The following PLCB4 variants were observed in gnomAD, a reference collection of about 807,000 sequenced individuals.
PLCB4 encodes the protein phospholipase C beta 4.
A neutral mutation model predicts 178.8 loss-of-function variants in PLCB4; 77 were observed. The ratio of observed to expected loss-of-function variants is 0.43; its 90% CI spans 0.36 to 0.52. The LOEUF is 0.52. Among genes scored for constraint, PLCB4 ranks in the 20% least tolerant of loss-of-function variants. The probability of loss-of-function intolerance (pLI) is 0.00; values close to 1 mark genes in which losing one functional copy is unlikely to be tolerated. For synonymous variants in PLCB4, 496 were observed against 490.8 expected, an observed-to-expected ratio of 1.01 and a Z score of -0.14; for missense variants, 1,024 against 1,453.4, an observed-to-expected ratio of 0.70 and a Z score of 4.80.
intron 19 of PLCB4, among the ~76,000 whole-genome samples, chr20:9,398,849 A>G (rs1329957593): frequency 6.6e-6 from 1 of 152,178 alleles, no homozygotes; most frequent in Admixed American, 6.5e-5. Flanking sequence ...TAGAGAGGTA[A>G]CATATTTTGC....
intron 2 of PLCB4, among the ~76,000 whole-genome samples, chr20:9,148,500 C>T (rs970842388): frequency 4.6e-5 from 7 of 152,132 alleles, no homozygotes; most frequent in East Asian, 3.9e-4. Flanking sequence ...AATAGAGTTT[C>T]GTTTTCAGAT....
intron 3 of PLCB4, among the ~76,000 whole-genome samples, chr20:9,231,642 G>A (rs945740975): frequency 1.3e-5 from 2 of 152,152 alleles, no homozygotes; most frequent in African/African-American, 4.8e-5. Context: ...GCAGAGAGAG[G>A]AAACTTGTGT....
intron 35 of PLCB4, among the ~76,000 whole-genome samples, 171 bp downstream of exon 35, chr20:9,459,981 T>G (rs1199210246): frequency 6.6e-6 from 1 of 152,114 alleles, no homozygotes; most frequent in Non-Finnish European, 1.5e-5. Context: ...CTATAAGAAA[T>G]GGCACCCAGG....
intron 2 of PLCB4, among the ~76,000 whole-genome samples, chr20:9,185,103 A>G (rs554768445): frequency 2.0e-5 from 3 of 152,134 alleles, no homozygotes; most frequent in East Asian, 3.9e-4. Flanking sequence ...GGGTCTCACT[A>G]TGTAGTGCAG....
intron 19 of PLCB4, among the ~76,000 whole-genome samples, chr20:9,400,270 A>G (rs1460054043): frequency 1.3e-5 from 2 of 152,188 alleles, no homozygotes; most frequent in African/African-American, 2.4e-5. Flanking sequence ...TTCTGAATCC[A>G]GATACTACCA....
Position 9,212,864 on chromosome 20 carries a change from A to C in PLCB4, c.-78-4526A>C, listed in dbSNP as rs1601189441. 5.3e-5 allele frequency among the ~76,000 whole-genome samples: 8 copies of C among 152,274 alleles called. No homozygotes were observed. The South Asian group carries it at 1.7e-3, about 32-fold the overall frequency. On this transcript the variant is annotated intron_variant, in intron 2 of 39. Transcript: ENST00000378473. ...TAAAAGACTGCTTTCATGAAGTATA[A>C]TTTACATATCATAAAATGCACTCAC...
chr20:9,198,724 T>C lies in PLCB4; in HGVS notation c.-78-18666T>C, dbSNP rs111514579. 1.1e-3 allele frequency among the ~76,000 whole-genome samples: 161 copies of C among 152,318 alleles called. 1 individual carries two copies. Among genetic ancestry groups the C allele is most frequent in the Non-Finnish European group, 1.6e-3 (109 of 68,028 alleles). ...ATATTAATAGGATATTTTTGGTCAC[T>C]CACTTGTCCTTAGATTATCTCAGTT... On this transcript the variant is annotated intron_variant, in intron 2 of 39. Coordinates refer to ENST00000378473, the MANE Select transcript of PLCB4 (RefSeq NM_001377142.1).
rs1235807036 is a variant in PLCB4, at chr20:9,362,904, A to T, written c.378A>T (p.Val126=). 2.5e-6 allele frequency: 4 copies of T among 1,610,690 alleles called. No individual in the cohort carries two copies. Among genetic ancestry groups the T allele is most frequent in the Non-Finnish European group, 3.4e-6 (4 of 1,176,990 alleles). The change falls in exon 8 of 40, where the codon GTA becomes GTT. Residue 126 remains valine, a synonymous_variant. Transcript: ENST00000378473. ...TTTTCTTTCTCTTTCAGCAATGGGT[A>T]GAAGGCCTGAGATCAATCATACACA... ...AENPEVTKQW[V]EGLRSIIHNF... is the part of the protein sequence containing the mutation.
At chr20:9,139,598 C>T (rs539890019) in intron 2 of PLCB4, among the ~76,000 whole-genome samples, 379 of 152,158 alleles carry the variant, frequency 2.5e-3, no homozygotes, top group Non-Finnish European at 3.5e-3. Flanking sequence ...GCTCAGAAGT[C>T]CTGGGTGACC....
intron 18 of PLCB4, among the ~76,000 whole-genome samples, chr20:9,394,023 CT>C (rs2038370146): frequency 6.6e-6 from 1 of 152,096 alleles, no homozygotes. Context: ...ATAAGTTTCC[CT>C]TTTCAGTTTG....
At chr20:9,202,107 T>A (rs1051033246) in intron 2 of PLCB4, among the ~76,000 whole-genome samples, 6 of 152,208 alleles carry the variant, frequency 3.9e-5, no homozygotes, top group African/African-American at 1.4e-4. Flanking sequence ...CAAAATACAT[T>A]ACGCTTCCTG....
rs2094298479 is a variant in PLCB4 at position 9,261,612 on chromosome 20, G to T, written c.-16+44160G>T. On this transcript the variant is annotated intron_variant, in intron 3 of 39. Coordinates refer to ENST00000378473, the MANE Select transcript of PLCB4 (RefSeq NM_001377142.1). ...AATTGGGAATGAATATATCTTTGTG[G>T]TGAGGACTGAACATACTTCTTCTTT... Among the ~76,000 whole-genome samples, 3 of 152,232 alleles carry T rather than the reference G, an allele frequency of 2.0e-5. 1 individual carries two copies. The South Asian group carries it at 6.2e-4, about 32-fold the overall frequency.
At chr20:9,154,509 A>G (rs1261413809) in intron 2 of PLCB4, among the ~76,000 whole-genome samples, 1 of 152,172 alleles carries the variant, frequency 6.6e-6, no homozygotes, top group Non-Finnish European at 1.5e-5. Flanking sequence ...AATAATGCTC[A>G]GTCGTCTGTG....
intron 7 of PLCB4, 29 bp from the exon 8 acceptor site, chr20:9,362,867 A>C: frequency 6.7e-7 from 1 of 1,501,114 alleles, no homozygotes; most frequent in African/African-American, 1.4e-5. Context: ...AGATTTGCTC[A>C]CCAAGAATAT....
intron 1 of PLCB4, among the ~76,000 whole-genome samples, chr20:9,088,219 G>A (rs2090525727): frequency 6.7e-6 from 1 of 148,808 alleles, no homozygotes; most frequent in Non-Finnish European, 1.5e-5. Flanking sequence ...AGGTGTTAGA[G>A]AGAGAAGGAA....
At chr20:9,421,212 C>CTCCTT in intron 26 of PLCB4, 85 bp from the exon 27 acceptor site, 2 of 1,060,016 alleles carry the variant, frequency 1.9e-6, no homozygotes, top group South Asian at 3.4e-5. Context: ...ACCCAAAAGA[C>CTCCTT]AGAATTTCTT....
At chr20:9,265,346 G>A (rs1015094004) in intron 3 of PLCB4, among the ~76,000 whole-genome samples, 2 of 152,130 alleles carry the variant, frequency 1.3e-5, no homozygotes, top group Non-Finnish European at 2.9e-5. Flanking sequence ...AGCTGGGCAT[G>A]TTGCCACACG....
intron 4 of PLCB4, among the ~76,000 whole-genome samples, chr20:9,316,646 C>T (rs1354303229): frequency 2.0e-5 from 3 of 152,122 alleles, no homozygotes; most frequent in Non-Finnish European, 2.9e-5. Context: ...TAGGATTCTA[C>T]GAGTCTGCAC....
At chr20:9,443,565 C>A (rs2042233707) in intron 30 of PLCB4, among the ~76,000 whole-genome samples, 1 of 152,134 alleles carries the variant, frequency 6.6e-6, no homozygotes, top group African/African-American at 2.4e-5. Flanking sequence ...AAATGCCCAG[C>A]CTCTTTTTGC....
Sources: allele counts gnomAD v4.1 joint callset (sites outside exome capture counted in the v4.1 genomes callset), GRCh38; gene constraint gnomAD v4.1.1; transcripts MANE v1.5; gene names NCBI Gene and HGNC (gene_info 2026-07-23, HGNC 2026-07-21).